Variants in SEM1 observed in about 807,000 individuals in gnomAD.
The protein encoded by SEM1 is SEM1 26S proteasome subunit.
SEM1 carries 3 observed loss-of-function variants against 12.7 expected under a neutral mutation model. That is an observed-to-expected ratio of 0.24 (90% confidence interval 0.11 to 0.61). The LOEUF (loss-of-function observed/expected upper bound fraction) is 0.61, where lower values mean the gene tolerates loss of function less well. SEM1 is among the 20% of genes least tolerant of loss of function. SEM1 has a pLI of 0.88. For missense variants in SEM1, 59 were observed against 81.3 expected (o/e 0.73, Z 1.06); for synonymous variants, 30 against 27.8 (o/e 1.08, Z -0.25).
chr7:96,700,742 C>A (rs537786838), intron 1 of SEM1, among the ~76,000 whole-genome samples: 2 of 152,254 alleles, frequency 1.3e-5, no homozygotes, highest in Non-Finnish European at 2.9e-5. Flanking sequence ...TTCCATAGAA[C>A]CAATGAAATA....
At chr7:96,591,058 G>T (rs1295005774) in intron 2 of SEM1, among the ~76,000 whole-genome samples, 2 of 152,306 alleles carry the variant, frequency 1.3e-5, no homozygotes, top group East Asian at 3.9e-4. Context: ...TTTAAAAATA[G>T]ATGTAATATA....
intron 2 of SEM1, among the ~76,000 whole-genome samples, chr7:96,516,318 A>G (rs1804094392): frequency 6.6e-6 from 1 of 152,178 alleles, no homozygotes; most frequent in African/African-American, 2.4e-5. Context: ...AGGAGAAAAT[A>G]TGTTTTCAAG....
At chr7:96,554,662 T>C (rs939299196) in intron 2 of SEM1, among the ~76,000 whole-genome samples, 8 of 151,706 alleles carry the variant, frequency 5.3e-5, no homozygotes, top group African/African-American at 1.9e-4. Context: ...ATTCTCTTTT[T>C]TTGTTGTGTC....
intron 2 of SEM1, among the ~76,000 whole-genome samples, chr7:96,634,616 A>C (rs1346806826): frequency 6.7e-6 from 1 of 148,760 alleles, no homozygotes; most frequent in Non-Finnish European, 1.5e-5. Context: ...TATATAATAC[A>C]TAAGAAAAAT....
upstream of SEM1, among the ~76,000 whole-genome samples, chr7:96,498,556 A>C (rs1006950457): frequency 6.6e-6 from 1 of 152,188 alleles, no homozygotes; most frequent in African/African-American, 2.4e-5. Context: ...CTTGCAACTT[A>C]ATGGTAGAAC....
chr7:96,644,343 T>G (rs553992276), intron 2 of SEM1, among the ~76,000 whole-genome samples: 1 of 152,242 alleles, frequency 6.6e-6, no homozygotes, highest in South Asian at 2.1e-4. Flanking sequence ...ATCAGCCTTG[T>G]AGATTCCAAA....
Position 96,484,776 on chromosome 7 carries a change from A to G in SEM1, c.257+49T>C, listed in dbSNP as rs780866161. The G allele has an allele frequency of 1.3e-5, 15 of 1,173,506 alleles. No homozygotes were observed. In the East Asian group the frequency reaches 3.5e-4, roughly 27 times the overall value. The allele number at this position is 1,173,506 out of a possible 1,614,324, so 72.7% of individuals were successfully genotyped here. On this transcript the variant is annotated intron_variant, in intron 3 of 3. Coordinates refer to the SEM1 transcript ENST00000356686. ...TGGGTGCCTTAAAAATCCTCTCACC[A>G]TACAGAAAAGTTACCCATTTATATC...
At chr7:96,624,650 T>C (rs1165436652) in intron 2 of SEM1, among the ~76,000 whole-genome samples, 2 of 152,220 alleles carry the variant, frequency 1.3e-5, no homozygotes, top group East Asian at 3.8e-4. Context: ...TTAATAATTA[T>C]GCTGAGTCTT....
chr7:96,658,039 A>G (rs974093470), intron 2 of SEM1, among the ~76,000 whole-genome samples: 3 of 152,166 alleles, frequency 2.0e-5, no homozygotes, highest in African/African-American at 7.2e-5. Context: ...TTTAAGCATG[A>G]CGCAGCCACC....
chr7:96,665,301 GA>G (rs1163971686), intron 2 of SEM1, among the ~76,000 whole-genome samples: 4 of 152,140 alleles, frequency 2.6e-5, no homozygotes, highest in African/African-American at 9.7e-5. Context: ...ACCAAGGGGG[GA>G]AATGCCTATA....
chr7:96,600,999 G>T (rs1807181163), intron 2 of SEM1, among the ~76,000 whole-genome samples: 1 of 152,186 alleles, frequency 6.6e-6, no homozygotes, highest in Non-Finnish European at 1.5e-5. Flanking sequence ...TACAGATTGG[G>T]TAGACCAGGG....
At chr7:96,587,091 C>A (rs1459782767) in intron 2 of SEM1, among the ~76,000 whole-genome samples, 1 of 149,264 alleles carries the variant, frequency 6.7e-6, no homozygotes, top group Non-Finnish European at 1.5e-5. Flanking sequence ...CTTAAAAAAA[C>A]AATATCATAG....
intron 1 of SEM1, among the ~76,000 whole-genome samples, chr7:96,699,354 CTA>C (rs2115949364): frequency 6.6e-6 from 1 of 152,286 alleles, no homozygotes; most frequent in East Asian, 1.9e-4. Context: ...TCTAGTCTTT[CTA>C]TCTTTTCAAA....
At chr7:96,635,145 G>A (rs1413434062) in intron 2 of SEM1, among the ~76,000 whole-genome samples, 3 of 151,954 alleles carry the variant, frequency 2.0e-5, no homozygotes, top group Admixed American at 6.6e-5. Context: ...GATTGAATTG[G>A]GACACTGAAG....
At position 96,553,296 on chromosome 7, in the gene SEM1, T is replaced by C. The variant is rs1213602951; in HGVS notation, c.171-46598A>G. 2.6e-5 allele frequency among the ~76,000 whole-genome samples: 4 copies of C among 151,884 alleles called. No homozygotes were observed. In the South Asian group the frequency reaches 8.3e-4, roughly 32 times the overall value. On this transcript the variant is annotated intron_variant and NMD_transcript_variant, in intron 2 of 3. Coordinates refer to the SEM1 transcript ENST00000466986. ...TGCCTATGTCCTGAATGGTAATGCGTAGGTTTTCTTCTAGGGTTTTTATGG... is the reference window on the plus strand; with the variant it reads ...TGCCTATGTCCTGAATGGTAATGCGCAGGTTTTCTTCTAGGGTTTTTATGG...
intron 1 of SEM1, among the ~76,000 whole-genome samples, chr7:96,703,969 AAAAACACAC>A: frequency 8.6e-6 from 1 of 116,954 alleles, no homozygotes; most frequent in East Asian, 3.0e-4. Context: ...CTTGTCTCTT[AAAAACACAC>A]ACACACACAC....
At chr7:96,667,125 C>T (rs1356464218) in intron 2 of SEM1, among the ~76,000 whole-genome samples, 2 of 152,146 alleles carry the variant, frequency 1.3e-5, no homozygotes, top group African/African-American at 2.4e-5. Context: ...GTGGTTGGGA[C>T]GGAACTCTCA....
chr7:96,690,247 C>T (rs1283609315), intron 2 of SEM1, among the ~76,000 whole-genome samples: 3 of 152,076 alleles, frequency 2.0e-5, no homozygotes, highest in South Asian at 4.1e-4. Flanking sequence ...ACAGCAGCAA[C>T]AAAAACAATG....
chr7:96,677,207 G>A (rs1228975989), intron 2 of SEM1, among the ~76,000 whole-genome samples: 1 of 152,160 alleles, frequency 6.6e-6, no homozygotes, highest in Non-Finnish European at 1.5e-5. Context: ...GCCCAGGACA[G>A]CTTCTCAGGA....
Sources: allele counts gnomAD v4.1 joint callset (sites outside exome capture counted in the v4.1 genomes callset), GRCh38; gene constraint gnomAD v4.1.1; transcripts MANE v1.5; gene names NCBI Gene and HGNC (gene_info 2026-07-23, HGNC 2026-07-21).